ADAMTS12: variants seen among roughly 807,000 people sequenced by gnomAD.
ADAMTS12 encodes the protein ADAM metallopeptidase with thrombospondin type 1 motif 12.
A neutral mutation model predicts 167.8 loss-of-function variants in ADAMTS12; 118 were observed. The ratio of observed to expected loss-of-function variants is 0.70; its 90% CI spans 0.61 to 0.82. ADAMTS12 has a LOEUF of 0.82. Among genes scored for constraint, ADAMTS12 ranks in the 40% least tolerant of loss-of-function variants. ADAMTS12 has a pLI of 0.00. For synonymous variants in ADAMTS12, 704 were observed against 716.9 expected (o/e 0.98, Z 0.29); for missense variants, 1,916 against 1,998.8 (o/e 0.96, Z 0.79).
chr5:33,577,700 C>T (rs1230910233), intron 18 of ADAMTS12, among the ~76,000 whole-genome samples: 1 of 152,120 alleles, frequency 6.6e-6, no homozygotes, highest in Non-Finnish European at 1.5e-5. Context: ...AGATTAAAAG[C>T]TAGATAATCA....
chr5:33,571,092 A>G (rs1247271797), intron 19 of ADAMTS12, among the ~76,000 whole-genome samples: 3 of 152,334 alleles, frequency 2.0e-5, no homozygotes, highest in South Asian at 4.2e-4. Flanking sequence ...CCAGATTCAT[A>G]AAGCTAGCCC....
In ADAMTS12 at chr5:33,577,125, G is replaced by A. The variant is rs1746789395; in HGVS notation, c.2901C>T (p.Arg967=). 1.9e-6 allele frequency: 3 copies of A among 1,614,040 alleles called. No homozygotes were observed. The highest frequency in any genetic ancestry group is 3.3e-5 in the Admixed American group (2 of 60,006). ...SVSCGGGVRI[R]SVTCAKNHDE... ...CATGGTTCTTGGCACATGTGACACT[G>A]CGAATCCGCACTCCACCACCACAGG... Residue 967 remains arginine, a synonymous_variant, in exon 19 of 24, where the codon CGC becomes CGT. Coordinates refer to ENST00000504830, the MANE Select transcript of ADAMTS12 (RefSeq NM_030955.4).
intron 3 of ADAMTS12, among the ~76,000 whole-genome samples, chr5:33,730,045 C>T (rs1290074396): frequency 6.6e-6 from 1 of 152,218 alleles, no homozygotes; most frequent in Non-Finnish European, 1.5e-5. Context: ...AAAAGTTATA[C>T]ATTAGAAGGC....
At chr5:33,537,581 C>T (rs16891296) in intron 22 of ADAMTS12, among the ~76,000 whole-genome samples, 2,397 of 152,328 alleles carry the variant, frequency 0.016, 61 homozygotes, top group African/African-American at 0.055. Flanking sequence ...TGAAGTTGTA[C>T]TCTTGGATAG....
chr5:33,609,281 T>C (rs562962754), intron 16 of ADAMTS12, among the ~76,000 whole-genome samples: 1 of 151,720 alleles, frequency 6.6e-6, no homozygotes, highest in African/African-American at 2.4e-5. Context: ...TATCTACATA[T>C]AGGATAGAAA....
At chr5:33,801,891 T>G (rs1414817328) in intron 2 of ADAMTS12, among the ~76,000 whole-genome samples, 1 of 152,220 alleles carries the variant, frequency 6.6e-6, no homozygotes, top group African/African-American at 2.4e-5. Flanking sequence ...AGTGGAAGAT[T>G]GCTATGGTCT....
At chr5:33,767,827 T>C (rs1187523337) in intron 2 of ADAMTS12, among the ~76,000 whole-genome samples, 2 of 150,474 alleles carry the variant, frequency 1.3e-5, no homozygotes, top group Non-Finnish European at 3.0e-5. Context: ...GGGGAAAAAA[T>C]AACAGAAGAA....
intron 2 of ADAMTS12, among the ~76,000 whole-genome samples, chr5:33,767,977 G>A (rs761979925): frequency 6.6e-6 from 1 of 152,126 alleles, no homozygotes; most frequent in Non-Finnish European, 1.5e-5. Context: ...AACAGTACAG[G>A]GTGAGAGATG....
chr5:33,574,597 T>TGGAGTGGGG (rs1746580239), intron 19 of ADAMTS12, among the ~76,000 whole-genome samples: 1 of 66,216 alleles, frequency 1.5e-5, no homozygotes, highest in Non-Finnish European at 2.8e-5. Context: ...GGGACTGTTG[T>TGGAGTGGGG]GGGGTGGGGG....
intron 2 of ADAMTS12, among the ~76,000 whole-genome samples, chr5:33,775,330 G>A (rs1251186799): frequency 2.0e-5 from 3 of 152,138 alleles, no homozygotes; most frequent in Non-Finnish European, 4.4e-5. Context: ...TCTGAGGTGG[G>A]TAAAGGGCCC....
chr5:33,831,360 C>T (rs1290574942), intron 2 of ADAMTS12, among the ~76,000 whole-genome samples: 1 of 152,170 alleles, frequency 6.6e-6, no homozygotes, highest in Non-Finnish European at 1.5e-5. Context: ...TGCTTCCAGA[C>T]TCCACCACTA....
At chr5:33,769,460 C>T (rs955967743) in intron 2 of ADAMTS12, among the ~76,000 whole-genome samples, 3 of 152,174 alleles carry the variant, frequency 2.0e-5, no homozygotes, top group African/African-American at 7.2e-5. Context: ...AAGAACTAAA[C>T]TGGCTTCCTG....
intron 5 of ADAMTS12, among the ~76,000 whole-genome samples, chr5:33,672,555 A>AG (rs1430982577): frequency 6.6e-6 from 1 of 152,218 alleles, no homozygotes; most frequent in East Asian, 1.9e-4. Context: ...CACTGTTGAA[A>AG]GGGGGATTTG....
intron 3 of ADAMTS12, among the ~76,000 whole-genome samples, chr5:33,697,102 T>C (rs1372937510): frequency 6.6e-6 from 1 of 152,264 alleles, no homozygotes; most frequent in Non-Finnish European, 1.5e-5. Flanking sequence ...AGTTCTGGAA[T>C]GTTCTCTTCT....
chr5:33,712,506 G>T (rs138820298), intron 3 of ADAMTS12, among the ~76,000 whole-genome samples: 6 of 152,244 alleles, frequency 3.9e-5, no homozygotes, highest in African/African-American at 1.4e-4. Context: ...TCTTGCAGGG[G>T]TGGATACGTT....
intron 22 of ADAMTS12, among the ~76,000 whole-genome samples, chr5:33,544,807 A>G (rs1744886763): frequency 6.6e-6 from 1 of 152,256 alleles, no homozygotes; most frequent in Non-Finnish European, 1.5e-5. Context: ...CTGGCTAGCC[A>G]TATGTAGAAA....
chr5:33,852,891 T>C (rs1463286737), intron 2 of ADAMTS12, among the ~76,000 whole-genome samples: 1 of 152,180 alleles, frequency 6.6e-6, no homozygotes, highest in Non-Finnish European at 1.5e-5. Flanking sequence ...GGCTGCAGTT[T>C]ATGGAGACAC....
At chr5:33,677,376 A>C (rs1741950706) in intron 5 of ADAMTS12, among the ~76,000 whole-genome samples, 1 of 152,220 alleles carries the variant, frequency 6.6e-6, no homozygotes, top group African/African-American at 2.4e-5. Flanking sequence ...CTATTTTACA[A>C]AATGAGGAAA....
intron 2 of ADAMTS12, among the ~76,000 whole-genome samples, chr5:33,835,374 T>C (rs959968978): frequency 6.6e-6 from 1 of 152,240 alleles, no homozygotes; most frequent in African/African-American, 2.4e-5. Flanking sequence ...TCCCTAATCT[T>C]TGCACTAACT....
Sources: gnomAD v4.1 joint callset for allele counts (sites outside exome capture counted in the v4.1 genomes callset) on GRCh38, gnomAD v4.1.1 for gene constraint, MANE v1.5 for transcripts, NCBI Gene and HGNC (gene_info 2026-07-23, HGNC 2026-07-21) for gene names.